SLC6A17: variants seen among roughly 807,000 people sequenced by gnomAD.
SLC6A17 encodes the protein sodium-dependent neutral amino acid transporter SLC6A17.
A neutral mutation model predicts 64.5 loss-of-function variants in SLC6A17; 21 were observed. The observed-to-expected ratio is 0.33, with a 90% CI of 0.23 to 0.47. The LOEUF (loss-of-function observed/expected upper bound fraction) is 0.47. Among genes scored for constraint, SLC6A17 ranks in the 20% least tolerant of loss-of-function variants. The pLI is 1.00. For synonymous variants in SLC6A17, 372 were observed against 399.5 expected (o/e 0.93, Z 0.82); for missense variants, 682 against 963.2 (o/e 0.71, Z 3.86).
chr1:110,167,092 C>G lies in SLC6A17; in HGVS notation c.163C>G (p.Leu55Val), dbSNP rs1219798160. The G allele has an allele frequency of 3.1e-6, 5 of 1,611,820 alleles. No homozygotes were observed. Among genetic ancestry groups the G allele is most frequent in the South Asian group, 2.2e-5 (2 of 90,766 alleles). Reference protein sequence around the residue: ...GGKQKAVEEELDAEDRPAWNS... With the variant: ...GGKQKAVEEEVDAEDRPAWNS... ...CAAGCAGAAGGCGGTGGAGGAGGAG[C>G]TGGATGCAGAGGACCGGCCGGCCTG... The change falls in exon 2 of 12, where the codon CTG becomes GTG. Residue 55 changes from leucine (L) to valine (V), a missense_variant. Coordinates refer to ENST00000331565, the MANE Select transcript of SLC6A17 (RefSeq NM_001010898.4).
At chr1:110,190,200 G>A (rs540498065) in intron 6 of SLC6A17, among the ~76,000 whole-genome samples, 2 of 152,230 alleles carry the variant, frequency 1.3e-5, no homozygotes, top group African/African-American at 4.8e-5. Flanking sequence ...TAGATGCCAA[G>A]GGGCCCTTAG....
chr1:110,191,958 G>GAAACT lies in SLC6A17; in HGVS notation c.865-14_865-13insAAACT. On this transcript the variant is annotated splice_polypyrimidine_tract_variant and intron_variant, in intron 6 of 11. Coordinates refer to ENST00000331565, the MANE Select transcript of SLC6A17 (RefSeq NM_001010898.4). ...TGTCTCTTTTCTTCCTCCTGCCTTG[G>GAAACT]TCTTCTGCCATAGCTGGACAAGATG... The GAAACT allele has an allele frequency of 6.2e-7, 1 of 1,610,574 alleles. No individual in the cohort carries two copies. The highest frequency in any genetic ancestry group is 8.5e-7 in the Non-Finnish European group (1 of 1,177,352).
In SLC6A17 at chr1:110,199,766, C is replaced by T; in HGVS notation, c.*1322C>T. 1 of 393,196 alleles carries T rather than the reference C, an allele frequency of 2.5e-6. No homozygotes were observed. Among genetic ancestry groups the T allele is most frequent in the Non-Finnish European group, 4.5e-6 (1 of 223,176 alleles). 24.4% of individuals were successfully genotyped at this position (393,196 alleles called of 1,614,324 possible). On this transcript the variant is annotated 3_prime_UTR_variant, in exon 12 of 12. Coordinates refer to ENST00000331565, the MANE Select transcript of SLC6A17 (RefSeq NM_001010898.4). Reference sequence around the variant, plus strand: ...CCCCACCTGCCATTACCTTCAGGGCCTCCTCTGGAAGAGAACCCATTCTCA... The same window carrying T: ...CCCCACCTGCCATTACCTTCAGGGCTTCCTCTGGAAGAGAACCCATTCTCA...
rs1375549577 is a variant in SLC6A17 at position 110,199,520 on chromosome 1, C to A, written c.*1076C>A. ...ACTCCTGGGGAAAGACAGATAATTTCACTGCCCCTTTGAGCCACCACTCAC... is the reference window on the plus strand; with the variant it reads ...ACTCCTGGGGAAAGACAGATAATTTAACTGCCCCTTTGAGCCACCACTCAC... On this transcript the variant is annotated 3_prime_UTR_variant, in exon 12 of 12. Coordinates refer to ENST00000331565, the MANE Select transcript of SLC6A17 (RefSeq NM_001010898.4). The A allele has an allele frequency of 6.5e-6, 1 of 155,032 alleles. No individual in the cohort carries two copies. The highest frequency in any genetic ancestry group is 1.9e-4 in the East Asian group (1 of 5,314). The allele number at this position is 155,032 out of a possible 1,614,324, so 9.6% of individuals were successfully genotyped here. A position where few individuals can be genotyped will look rare whatever the true frequency, so the allele number is the denominator to read the frequency against.
At position 110,154,001 on chromosome 1, in the gene SLC6A17, C is replaced by G. The variant is rs1261012783; in HGVS notation, c.-88+3118C>G. On this transcript the variant is annotated intron_variant, in intron 1 of 11. Transcript: ENST00000331565. ...GTAGATGTGATTGCTAGAGCAGTAT[C>G]CCAAACTCAAGTGGGGCAGTGATAT... Among the ~76,000 whole-genome samples the G allele has an allele frequency of 3.3e-5, 5 of 152,172 alleles. No individual in the cohort carries two copies. The South Asian group carries it at 8.3e-4, about 25-fold the overall frequency.
At chr1:110,185,581 A>C (rs1259135266) in intron 6 of SLC6A17, among the ~76,000 whole-genome samples, 1 of 152,222 alleles carries the variant, frequency 6.6e-6, no homozygotes, top group Non-Finnish European at 1.5e-5. Context: ...ATTGGCAGGA[A>C]GCTGTTCCTC....
chr1:110,191,831 T>A, intron 6 of SLC6A17, 141 bp from the exon 7 acceptor site: 1 of 1,366,994 alleles, frequency 7.3e-7, no homozygotes, highest in South Asian at 1.5e-5. Context: ...AGTAGGGAAA[T>A]TGCCCAAGTT....
chr1:110,186,682 C>CTT (rs5777005), intron 6 of SLC6A17, among the ~76,000 whole-genome samples: 74,128 of 151,534 alleles, frequency 0.49, 18,119 homozygotes, highest in South Asian at 0.64. Flanking sequence ...CTCTCTCTCT[C>CTT]GCTCCCGACT....
intron 2 of SLC6A17, among the ~76,000 whole-genome samples, chr1:110,169,444 G>A (rs1663338391): frequency 6.6e-6 from 1 of 152,156 alleles, no homozygotes; most frequent in Admixed American, 6.5e-5. Context: ...TCTTTACCCA[G>A]ATGAGAAAAC....
At chr1:110,159,837 A>T (rs1557829365) in intron 1 of SLC6A17, among the ~76,000 whole-genome samples, 1 of 152,206 alleles carries the variant, frequency 6.6e-6, no homozygotes, top group African/African-American at 2.4e-5. Context: ...GGAAAAACAC[A>T]TCGGACTCCA....
chr1:110,175,021 A>ACGCCTGTAATCC, intron 5 of SLC6A17, 61 bp downstream of exon 5: 1 of 1,558,674 alleles, frequency 6.4e-7, no homozygotes, highest in Non-Finnish European at 8.7e-7. Context: ...CACAGAGGGC[A>ACGCCTGTAATCC]CAGGGCTAAG....
intron 6 of SLC6A17, among the ~76,000 whole-genome samples, chr1:110,182,599 C>T (rs1253010940): frequency 4.1e-5 from 6 of 145,274 alleles, no homozygotes; most frequent in Non-Finnish European, 1.5e-5. Context: ...TGGGCGGTGG[C>T]GGGGAGGTCG....
chr1:110,166,906 G>A lies in SLC6A17; in HGVS notation c.-24G>A. 1 of 1,586,318 alleles carries A rather than the reference G, an allele frequency of 6.3e-7. No homozygotes were observed. The highest frequency in any genetic ancestry group is 8.6e-7 in the Non-Finnish European group (1 of 1,162,848). The stretch of plus-strand genomic sequence containing the variant: ...ATCTTCTCTGTGTGCTGGGGAGCAG[G>A]GCTACACGGCCCAGGTGGCATCAAT... On this transcript the variant is annotated 5_prime_UTR_variant, in exon 2 of 12. Transcript: ENST00000331565.
intron 6 of SLC6A17, among the ~76,000 whole-genome samples, chr1:110,180,388 AC>A (rs1318238687): frequency 6.6e-6 from 1 of 152,122 alleles, no homozygotes; most frequent in Non-Finnish European, 1.5e-5. Context: ...AGGAACAAAA[AC>A]CCCAGCACAC....
At chr1:110,197,740 A>T (rs1311317215) in intron 11 of SLC6A17, 141 bp downstream of exon 11, 27 of 1,010,794 alleles carry the variant, frequency 2.7e-5, no homozygotes, top group Non-Finnish European at 3.8e-5. Context: ...CCGCAATCTT[A>T]CAACAAGCCA....
chr1:110,166,799 C>CT, intron 1 of SLC6A17, 44 bp from the exon 2 acceptor site: 1 of 1,256,954 alleles, frequency 8.0e-7, no homozygotes, highest in Non-Finnish European at 1.1e-6. Context: ...CCTCACCTTC[C>CT]TGGTGTGGTC....
rs535519869 is a variant in SLC6A17, at chr1:110,150,850, G to C, written c.-121G>C. 3 of 152,208 alleles carry C rather than the reference G, an allele frequency of 2.0e-5. No individual in the cohort carries two copies. The highest frequency in any genetic ancestry group is 1.9e-4 in the East Asian group (1 of 5,134). The allele number at this position is 152,208 out of a possible 1,614,324, so 9.4% of individuals were successfully genotyped here. ...TCGCAGCTGCTCGGCCGGAGTGCAC[G>C]GGCCGAGTCTGCGCGACTACCCACG... On this transcript the variant is annotated 5_prime_UTR_variant, in exon 1 of 12. Transcript: ENST00000331565.
rs1656399102 is a variant in SLC6A17 at position 110,177,236 on chromosome 1, A to G, written c.864+497A>G. ...TCCTGGGAATCTCCCCTTGTACCCA[A>G]ATCAGAGGAAAGAAGTTACTATTTT... On this transcript the variant is annotated intron_variant, in intron 6 of 11. Transcript: ENST00000331565. Among the ~76,000 whole-genome samples, 3 of 152,190 alleles carry G rather than the reference A, an allele frequency of 2.0e-5. No individual in the cohort carries two copies. In the South Asian group the frequency reaches 6.2e-4, roughly 31 times the overall value.
Position 110,164,487 on chromosome 1 carries a change from A to G in SLC6A17, c.-87-2356A>G, listed in dbSNP as rs548362818. On this transcript the variant is annotated intron_variant, in intron 1 of 11. Transcript: ENST00000331565. ...AGTCTGACCCTGTTGTCACCTGGGC[A>G]TATTCACTGGACACAGAGGGTTCCA... Among the ~76,000 whole-genome samples, 7 of 152,360 alleles carry G rather than the reference A, an allele frequency of 4.6e-5. No individual in the cohort carries two copies. The South Asian group carries it at 1.2e-3, about 27-fold the overall frequency.
Sources: allele counts gnomAD v4.1 joint callset (sites outside exome capture counted in the v4.1 genomes callset), GRCh38; gene constraint gnomAD v4.1.1; transcripts MANE v1.5; gene names NCBI Gene and HGNC (gene_info 2026-07-23, HGNC 2026-07-21).